LIFR: variants seen among roughly 807,000 people sequenced by gnomAD.
The protein encoded by LIFR is LIF receptor subunit alpha.
In LIFR, 84 loss-of-function variants were observed where a neutral mutation model predicts 122.2. The observed-to-expected ratio is 0.69, with a 90% confidence interval of 0.58 to 0.82. The LOEUF (loss-of-function observed/expected upper bound fraction) is 0.82, where lower values mean the gene tolerates loss of function less well. Ranked by LOEUF, LIFR falls within the 40% of genes least tolerant of loss-of-function variation. The probability of loss-of-function intolerance (pLI) is 0.00; values close to 1 mark genes in which losing one functional copy is unlikely to be tolerated. For missense variants in LIFR, 1,294 were observed against 1,311.6 expected (o/e 0.99, Z 0.21); for synonymous variants, 422 against 434.7 (o/e 0.97, Z 0.36).
intron 5 of LIFR, among the ~76,000 whole-genome samples, chr5:38,516,675 A>G (rs1303570308): frequency 2.0e-5 from 3 of 152,142 alleles, no homozygotes; most frequent in Non-Finnish European, 2.9e-5. Context: ...TAGAAGCAGA[A>G]ATACCATTTG....
intron 1 of LIFR, among the ~76,000 whole-genome samples, chr5:38,565,344 A>G (rs1748984274): frequency 6.6e-6 from 1 of 152,124 alleles, no homozygotes; most frequent in African/African-American, 2.4e-5. Context: ...AAGAATATTA[A>G]GTCCCAAATG....
At chr5:38,561,083 T>C (rs1243723665), upstream of LIFR, among the ~76,000 whole-genome samples, 3 of 152,218 alleles carry the variant, frequency 2.0e-5, no homozygotes, top group Admixed American at 2.0e-4. Flanking sequence ...AAGGTTTGCA[T>C]AGCTCTCATT....
intron 5 of LIFR, among the ~76,000 whole-genome samples, chr5:38,517,856 CAAAAAAAAAAAAAAAAAAA>C (rs572954936): frequency 6.6e-5 from 1 of 15,048 alleles, no homozygotes; most frequent in Non-Finnish European, 1.0e-4. Flanking sequence ...GACACTGTCT[CAAAAAAAAAAAAAAAAAAA>C]AAAAAAGGAT....
At chr5:38,544,580 C>T (rs1405236074) in intron 1 of LIFR, among the ~76,000 whole-genome samples, 1 of 152,206 alleles carries the variant, frequency 6.6e-6, no homozygotes, top group Non-Finnish European at 1.5e-5. Context: ...GCCTCCCTCC[C>T]CCAAATCCCG....
At chr5:38,564,735 T>C (rs1178840194) in intron 1 of LIFR, among the ~76,000 whole-genome samples, 1 of 137,406 alleles carries the variant, frequency 7.3e-6, no homozygotes, top group Non-Finnish European at 1.6e-5. Flanking sequence ...ACACACACAC[T>C]ACACACACAC....
intron 3 of LIFR, among the ~76,000 whole-genome samples, chr5:38,527,750 C>T (rs1173693139): frequency 6.6e-6 from 1 of 152,210 alleles, no homozygotes; most frequent in African/African-American, 2.4e-5. Context: ...AGAACTTCCT[C>T]TTCAGTTCTG....
At chr5:38,597,717 C>T (rs559123962), upstream of LIFR, among the ~76,000 whole-genome samples, 12 of 151,992 alleles carry the variant, frequency 7.9e-5, no homozygotes, top group Admixed American at 3.3e-4. Flanking sequence ...GCTGGAGTGA[C>T]GGAGAGGGAA....
chr5:38,537,257 C>T lies in LIFR; in HGVS notation c.-19-6591G>A, dbSNP rs113882275. Among the ~76,000 whole-genome samples, 332 of 152,292 alleles carry T rather than the reference C, an allele frequency of 2.2e-3. 1 individual carries two copies. Among genetic ancestry groups the T allele is most frequent in the African/African-American group, 7.5e-3 (310 of 41,576 alleles). On this transcript the variant is annotated intron_variant, in intron 1 of 19. Transcript: ENST00000453190. ...GCCATGAACCCCTTCCTCTCCATAC[C>T]GCAGCAGCTCCCCAAACACTCCACA...
chr5:38,560,193 A>C (rs185079237), upstream of LIFR, among the ~76,000 whole-genome samples: 140 of 152,282 alleles, frequency 9.2e-4, no homozygotes, highest in African/African-American at 3.1e-3. Flanking sequence ...ACATTCTACA[A>C]ATTAAGCATA....
intron 5 of LIFR, among the ~76,000 whole-genome samples, chr5:38,518,739 T>G (rs1746240708): frequency 1.3e-5 from 2 of 152,212 alleles, no homozygotes; most frequent in African/African-American, 4.8e-5. Flanking sequence ...TACATGTTTT[T>G]AAAAGTTAAC....
rs1354596541 is a variant in LIFR at position 38,476,232 on chromosome 5, T to C, written c.*5363A>G. 4.8e-6 allele frequency: 1 copy of C among 207,432 alleles called. No individual in the cohort carries two copies. The highest frequency in any genetic ancestry group is 9.8e-6 in the Non-Finnish European group (1 of 101,778). 12.8% of individuals were successfully genotyped at this position (207,432 alleles called of 1,614,324 possible). A position where few individuals can be genotyped will look rare whatever the true frequency, so the allele number is the denominator to read the frequency against. ...AACCATTATTCAGTGTTCTTTTCTA[T>C]GAGCAATTGCAAAAACACTAATACT... On this transcript the variant is annotated 3_prime_UTR_variant, in exon 20 of 20. Coordinates refer to ENST00000453190, the MANE Select transcript of LIFR (RefSeq NM_001127671.2).
At chr5:38,549,652 G>A (rs962859731) in intron 1 of LIFR, among the ~76,000 whole-genome samples, 6 of 152,158 alleles carry the variant, frequency 3.9e-5, no homozygotes, top group African/African-American at 9.7e-5. Context: ...TTAGCCGGGC[G>A]TGGTAGCGGG....
chr5:38,510,637 C>G lies in LIFR; in HGVS notation c.818G>C (p.Ser273Thr). Residue 273 changes from serine to threonine, a missense_variant, in exon 7 of 20, where the codon AGT becomes ACT. By Grantham distance (58) the Ser-to-Thr change is moderately conservative. Coordinates refer to ENST00000453190, the MANE Select transcript of LIFR (RefSeq NM_001127671.2). The part of the protein sequence containing the change: ...VGSDITFCCV[S>T]QEKVLSALIG... ...CAGTGCTGATAACACTTTTTCTTGA[C>G]TCACACAACAAAATGTTATGTCTGA... 6.2e-7 allele frequency: 1 copy of G among 1,613,974 alleles called. No individual in the cohort carries two copies. Among genetic ancestry groups the G allele is most frequent in the Non-Finnish European group, 8.5e-7 (1 of 1,179,916 alleles).
Position 38,556,409 on chromosome 5 carries a change from C to T in LIFR, c.-95G>A, listed in dbSNP as rs1321834407. On this transcript the variant is annotated 5_prime_UTR_variant, in exon 1 of 20. Transcript: ENST00000453190. ...CCTCGGCCGCCGCCCCGGGGCTGCC[C>T]AGATCCCACAGCCGCCCGGGGGCAG... 6.6e-6 allele frequency: 1 copy of T among 152,148 alleles called. No homozygotes were observed. The highest frequency in any genetic ancestry group is 1.5e-5 in the Non-Finnish European group (1 of 68,246). 9.4% of individuals were successfully genotyped at this position (152,148 alleles called of 1,614,324 possible). A position where few individuals can be genotyped will look rare whatever the true frequency, so the allele number is the denominator to read the frequency against.
chr5:38,562,031 G>C (rs756203933), intron 1 of LIFR, among the ~76,000 whole-genome samples: 5 of 152,210 alleles, frequency 3.3e-5, no homozygotes, highest in Non-Finnish European at 7.3e-5. Context: ...CAAAAGCCTA[G>C]TGTTGGGGAT....
intron 17 of LIFR, 37 bp from the exon 18 acceptor site, chr5:38,484,905 T>C: frequency 7.0e-7 from 1 of 1,420,568 alleles, no homozygotes; most frequent in Admixed American, 1.7e-5. Flanking sequence ...AAATCGCCAT[T>C]TTTAGTGTGA....
intron 5 of LIFR, among the ~76,000 whole-genome samples, chr5:38,519,452 T>G (rs75328546): frequency 6.6e-6 from 1 of 152,150 alleles, no homozygotes; most frequent in Non-Finnish European, 1.5e-5. Context: ...GTATTATCAT[T>G]TCTGTGTTGG....
intron 5 of LIFR, among the ~76,000 whole-genome samples, chr5:38,515,822 T>C (rs1010863712): frequency 6.6e-6 from 1 of 152,106 alleles, no homozygotes; most frequent in African/African-American, 2.4e-5. Flanking sequence ...TCCCAGTGTG[T>C]GCAGCACACA....
intron 1 of LIFR, among the ~76,000 whole-genome samples, chr5:38,544,872 A>G (rs2112626176): frequency 6.6e-6 from 1 of 152,308 alleles, no homozygotes; most frequent in South Asian, 2.1e-4. Context: ...CTGGCACACA[A>G]AAAGTGTGCA....
Sources: gnomAD v4.1 joint callset for allele counts (sites outside exome capture counted in the v4.1 genomes callset) on GRCh38, gnomAD v4.1.1 for gene constraint, MANE v1.5 for transcripts, NCBI Gene and HGNC (gene_info 2026-07-23, HGNC 2026-07-21) for gene names.